Variants in GSG1L observed in about 807,000 individuals in gnomAD.
GSG1L encodes GSG1 like.
Under a neutral mutation model 42.1 loss-of-function variants are expected in GSG1L, and 24 were observed. The observed-to-expected ratio is 0.57, with a 90% CI of 0.41 to 0.80. The LOEUF is 0.80. Ranked by LOEUF, GSG1L falls within the 30% of genes least tolerant of loss-of-function variation. The pLI, the probability that GSG1L is intolerant of heterozygous loss-of-function variation, is 0.00. For synonymous variants in GSG1L, 215 were observed against 203.5 expected, an observed-to-expected ratio of 1.06 and a Z score of -0.48; for missense variants, 445 against 472.2, an observed-to-expected ratio of 0.94 and a Z score of 0.53.
intron 2 of GSG1L, among the ~76,000 whole-genome samples, chr16:27,957,147 G>A (rs988621232): frequency 6.6e-6 from 1 of 152,140 alleles, no homozygotes; most frequent in Non-Finnish European, 1.5e-5. Flanking sequence ...TCAGGAGGTC[G>A]AGATCAGCCT....
chr16:27,838,031 G>A (rs898336949), intron 4 of GSG1L, among the ~76,000 whole-genome samples: 1 of 152,116 alleles, frequency 6.6e-6, no homozygotes, highest in Non-Finnish European at 1.5e-5. Flanking sequence ...TTAGGTCCAA[G>A]GATTGTGGTT....
intron 5 of GSG1L, among the ~76,000 whole-genome samples, chr16:27,819,606 A>C (rs2083130389): frequency 6.6e-6 from 1 of 152,138 alleles, no homozygotes; most frequent in South Asian, 2.1e-4. Flanking sequence ...CAGAGAGAAG[A>C]GTGGGTCAGA....
At chr16:27,900,427 G>T (rs1014732262) in intron 2 of GSG1L, among the ~76,000 whole-genome samples, 12 of 152,206 alleles carry the variant, frequency 7.9e-5, no homozygotes, top group African/African-American at 2.9e-4. Context: ...CAGAGCTGGG[G>T]TTCAGAGCCT....
intron 1 of GSG1L, among the ~76,000 whole-genome samples, chr16:28,011,911 T>C (rs2085723464): frequency 6.6e-6 from 1 of 152,194 alleles, no homozygotes; most frequent in Non-Finnish European, 1.5e-5. Flanking sequence ...CATTTTCAGA[T>C]TCCCAGTGAG....
At chr16:27,934,159 C>A (rs1449543053) in intron 2 of GSG1L, among the ~76,000 whole-genome samples, 1 of 152,220 alleles carries the variant, frequency 6.6e-6, no homozygotes, top group Admixed American at 6.5e-5. Flanking sequence ...CCACTCCCCG[C>A]CAACACTACT....
Position 27,932,675 on chromosome 16 carries a change from G to A in GSG1L, c.397+30481C>T, listed in dbSNP as rs145121820. Reference sequence around the variant, plus strand: ...ATTGGGGATTATAGATTTGGGTGGGGACACAAATCCAAACCATATCACCCA... The same window carrying A: ...ATTGGGGATTATAGATTTGGGTGGGAACACAAATCCAAACCATATCACCCA... On this transcript the variant is annotated intron_variant, in intron 2 of 6. Transcript: ENST00000447459. Among the ~76,000 whole-genome samples, 994 of 152,200 alleles carry A rather than the reference G, an allele frequency of 6.5e-3. 1 individual carries two copies. The highest frequency in any genetic ancestry group is 0.011 in the Non-Finnish European group (751 of 68,004).
intron 1 of GSG1L, among the ~76,000 whole-genome samples, chr16:28,055,013 C>T (rs1197631949): frequency 6.6e-6 from 1 of 152,176 alleles, no homozygotes; most frequent in East Asian, 1.9e-4. Flanking sequence ...ACGTCACTCT[C>T]GTAGGTTTCC....
At chr16:28,029,556 G>GATGGATGC (rs1367114284) in intron 1 of GSG1L, among the ~76,000 whole-genome samples, 14 of 151,896 alleles carry the variant, frequency 9.2e-5, no homozygotes, top group Non-Finnish European at 1.6e-4. Context: ...TGGATGGATG[G>GATGGATGC]ATGGATGCAT....
intron 2 of GSG1L, among the ~76,000 whole-genome samples, chr16:27,932,832 A>G (rs1289741240): frequency 2.0e-5 from 3 of 152,000 alleles, no homozygotes; most frequent in African/African-American, 7.3e-5. Flanking sequence ...TTGCATTTCC[A>G]CCGCTGCCAT....
intron 6 of GSG1L, among the ~76,000 whole-genome samples, chr16:27,804,072 T>C (rs1290409374): frequency 6.6e-6 from 1 of 151,394 alleles, no homozygotes; most frequent in Non-Finnish European, 1.5e-5. Context: ...GATAGATAGA[T>C]AGATAGATAA....
At chr16:27,819,678 C>G (rs1465862718) in intron 5 of GSG1L, among the ~76,000 whole-genome samples, 1 of 152,166 alleles carries the variant, frequency 6.6e-6, no homozygotes, top group Non-Finnish European at 1.5e-5. Context: ...ATGCTGCATG[C>G]AGGGCAAGGG....
intron 2 of GSG1L, among the ~76,000 whole-genome samples, chr16:27,929,355 A>G (rs115099688): frequency 6.6e-6 from 1 of 152,294 alleles, no homozygotes; most frequent in African/African-American, 2.4e-5. Flanking sequence ...GGCTTGGCCA[A>G]TCAGAGTTCT....
intron 3 of GSG1L, among the ~76,000 whole-genome samples, chr16:27,860,859 C>T (rs981582287): frequency 6.6e-6 from 1 of 152,146 alleles, no homozygotes. Context: ...GGAGGCTGGG[C>T]GTGTTGGCCT....
At chr16:27,888,641 C>A (rs193201620) in intron 2 of GSG1L, among the ~76,000 whole-genome samples, 1 of 149,662 alleles carries the variant, frequency 6.7e-6, no homozygotes, top group Non-Finnish European at 1.5e-5. Flanking sequence ...TCTTTAAGAC[C>A]GACTCTCACT....
At position 27,975,326 on chromosome 16, in the gene GSG1L, G is replaced by A. The variant is rs538415231; in HGVS notation, c.350-12123C>T. On this transcript the variant is annotated intron_variant, in intron 1 of 6. Coordinates refer to ENST00000447459, the MANE Select transcript of GSG1L (RefSeq NM_001109763.2). ...GTCCAGGCAGTTCCCAGGGCACCGA[G>A]AAGGGCAGGGAATGGACATGGAGGG... Among the ~76,000 whole-genome samples, 50 of 152,224 alleles carry A rather than the reference G, an allele frequency of 3.3e-4. No individual in the cohort carries two copies. The South Asian group carries it at 0.01, about 31-fold the overall frequency.
intron 3 of GSG1L, among the ~76,000 whole-genome samples, chr16:27,870,381 TTCTC>T (rs769634213): frequency 1.1e-4 from 14 of 122,636 alleles, no homozygotes; most frequent in East Asian, 2.7e-4. Context: ...CACTCTCTCT[TTCTC>T]TCTCTCTGTC....
intron 2 of GSG1L, among the ~76,000 whole-genome samples, chr16:27,917,933 T>C (rs1013907967): frequency 2.0e-5 from 3 of 152,030 alleles, no homozygotes; most frequent in Admixed American, 6.6e-5. Context: ...AAGCCAGCTC[T>C]TGGGACCAAA....
At chr16:27,920,587 A>T (rs1165270274) in intron 2 of GSG1L, among the ~76,000 whole-genome samples, 1 of 152,172 alleles carries the variant, frequency 6.6e-6, no homozygotes, top group Non-Finnish European at 1.5e-5. Context: ...TGCTCAGGAA[A>T]ATGCAGAGCA....
intron 5 of GSG1L, among the ~76,000 whole-genome samples, chr16:27,808,671 G>A (rs961189478): frequency 9.2e-5 from 14 of 152,064 alleles, no homozygotes; most frequent in African/African-American, 2.9e-4. Flanking sequence ...CATCCACCTC[G>A]GCCTCCCAAT....
Sources: gnomAD v4.1 joint callset for allele counts (sites outside exome capture counted in the v4.1 genomes callset) on GRCh38, gnomAD v4.1.1 for gene constraint, MANE v1.5 for transcripts, NCBI Gene and HGNC (gene_info 2026-07-23, HGNC 2026-07-21) for gene names.